Variants in BARD1 observed in about 807,000 individuals in gnomAD.
BARD1 encodes BRCA1 associated RING domain 1, also known as BRCA1-associated RING domain protein 1.
Under a neutral mutation model 77.0 loss-of-function variants are expected in BARD1, and 73 were observed. The observed-to-expected ratio is 0.95, with a 90% CI of 0.79 to 1.15. The LOEUF (loss-of-function observed/expected upper bound fraction) is 1.15. Ranked by LOEUF, BARD1 falls within the 50% of genes most tolerant of loss-of-function variation. The pLI, the probability that BARD1 is intolerant of heterozygous loss-of-function variation, is 0.00. For missense variants in BARD1, 993 were observed against 938.8 expected, an observed-to-expected ratio of 1.06 and a Z score of -0.75; for synonymous variants, 384 against 338.0, an observed-to-expected ratio of 1.14 and a Z score of -1.49.
intron 7 of BARD1, among the ~76,000 whole-genome samples, chr2:214,748,764 G>A (rs765244798): frequency 4.0e-5 from 6 of 151,892 alleles, no homozygotes; most frequent in African/African-American, 7.3e-5. Context: ...GCAGCTCACT[G>A]GAGATCACTG....
chr2:214,771,968 C>T (rs1694518984), intron 4 of BARD1, among the ~76,000 whole-genome samples: 1 of 137,156 alleles, frequency 7.3e-6, no homozygotes. Flanking sequence ...GATTTCTTAA[C>T]AGTGCAAATT....
At chr2:214,776,610 T>C (rs1574808349) in intron 4 of BARD1, among the ~76,000 whole-genome samples, 2 of 152,172 alleles carry the variant, frequency 1.3e-5, no homozygotes, top group South Asian at 4.1e-4. Context: ...GGCTGTTACA[T>C]AGAGAACTGA....
chr2:214,766,712 T>C (rs1238951961), intron 6 of BARD1, among the ~76,000 whole-genome samples: 2 of 152,234 alleles, frequency 1.3e-5, no homozygotes, highest in Admixed American at 6.5e-5. Flanking sequence ...ATACTTTAAA[T>C]CATCTCCAGA....
intron 3 of BARD1, among the ~76,000 whole-genome samples, chr2:214,789,428 G>C (rs190745501): frequency 3.3e-5 from 5 of 151,442 alleles, no homozygotes; most frequent in African/African-American, 4.8e-5. Context: ...GCCTGTAGTC[G>C]TAGCTACTTG....
chr2:214,739,890 C>T (rs1045108007), intron 9 of BARD1, among the ~76,000 whole-genome samples: 3 of 151,914 alleles, frequency 2.0e-5, no homozygotes, highest in South Asian at 2.1e-4. Flanking sequence ...TGCTATTTTA[C>T]TTAATGCATT....
Position 214,725,686 on chromosome 2 carries a change from G to A in BARD1, c.*2990C>T, listed in dbSNP as rs280622. ...TATTTATTCATTCAGTTTGATGTGC[G>A]TATCTTTGAAAAGGGTTGACTTATA... On this transcript the variant is annotated 3_prime_UTR_variant, in exon 11 of 11. Coordinates refer to ENST00000260947, the MANE Select transcript of BARD1 (RefSeq NM_000465.4). The A allele has an allele frequency of 0.99, 217,469 of 219,320 alleles. 107,822 individuals carry two copies. The highest frequency in any genetic ancestry group is 1 in the East Asian group (14,895 of 14,896). 13.6% of individuals were successfully genotyped at this position (219,320 alleles called of 1,614,324 possible). A position where few individuals can be genotyped will look rare whatever the true frequency, so the allele number is the denominator to read the frequency against.
At chr2:214,747,465 A>C (rs1464904867) in intron 7 of BARD1, among the ~76,000 whole-genome samples, 1 of 150,804 alleles carries the variant, frequency 6.6e-6, no homozygotes, top group Non-Finnish European at 1.5e-5. Flanking sequence ...CCAAATGTCC[A>C]ACAACGATAG....
chr2:214,764,737 T>C (rs1457155442), intron 6 of BARD1, among the ~76,000 whole-genome samples: 2 of 152,144 alleles, frequency 1.3e-5, no homozygotes, highest in Non-Finnish European at 2.9e-5. Context: ...GCAGGTGCTC[T>C]GGCTGCAGGA....
At chr2:214,729,029 T>G in intron 10 of BARD1, 21 bp from the exon 11 acceptor site, 1 of 1,610,204 alleles carries the variant, frequency 6.2e-7, no homozygotes, top group Non-Finnish European at 8.5e-7. Context: ...GAGAAAACAT[T>G]TGTTAAAGGC....
At chr2:214,788,486 C>T (rs186548987) in intron 3 of BARD1, among the ~76,000 whole-genome samples, 2 of 152,170 alleles carry the variant, frequency 1.3e-5, no homozygotes, top group East Asian at 1.9e-4. Context: ...GTATACCATA[C>T]ACTATGTCCA....
At chr2:214,798,666 G>C (rs900350453) in intron 1 of BARD1, among the ~76,000 whole-genome samples, 2 of 150,840 alleles carry the variant, frequency 1.3e-5, no homozygotes, top group Non-Finnish European at 2.9e-5. Flanking sequence ...ACCTAATTGT[G>C]CTGACCTCTT....
chr2:214,745,700 TC>T, intron 8 of BARD1, 21 bp downstream of exon 8: 1 of 1,613,826 alleles, frequency 6.2e-7, no homozygotes, highest in East Asian at 2.2e-5. Context: ...CTACCCCACC[TC>T]CCAAAATTCA....
At chr2:214,740,040 T>G (rs1310060298) in intron 9 of BARD1, among the ~76,000 whole-genome samples, 1 of 152,090 alleles carries the variant, frequency 6.6e-6, no homozygotes, top group Admixed American at 6.5e-5. Flanking sequence ...TCTTGTATTA[T>G]GAATAATATC....
intron 6 of BARD1, among the ~76,000 whole-genome samples, chr2:214,754,316 TGA>T (rs1274602941): frequency 6.7e-6 from 1 of 150,316 alleles, no homozygotes; most frequent in Non-Finnish European, 1.5e-5. Context: ...TACTCCAGCC[TGA>T]GCAAGAGATA....
intron 3 of BARD1, among the ~76,000 whole-genome samples, chr2:214,784,470 A>G (rs7601214): frequency 0.092 from 14,048 of 152,140 alleles, 799 homozygotes; most frequent in African/African-American, 0.16. Flanking sequence ...ACAGTGTGGC[A>G]ATTCCTCAAG....
Position 214,805,031 on chromosome 2 carries a change from C to T in BARD1, c.158+4381G>A, listed in dbSNP as rs150596270. Among the ~76,000 whole-genome samples, 688 of 152,188 alleles carry T rather than the reference C, an allele frequency of 4.5e-3. 5 individuals are homozygous for T. Among genetic ancestry groups the T allele is most frequent in the African/African-American group, 0.016 (654 of 41,514 alleles). ...CAAAAATTAGCCGGGTTTGGTGGCG[C>T]TCACCTGTAATCCCAGCTACTCAGG... is the stretch of plus-strand genomic sequence containing the variant. On this transcript the variant is annotated intron_variant, in intron 1 of 10. Transcript: ENST00000260947.
At chr2:214,780,061 G>T (rs1694907988) in intron 4 of BARD1, among the ~76,000 whole-genome samples, 2 of 152,166 alleles carry the variant, frequency 1.3e-5, no homozygotes, top group Non-Finnish European at 2.9e-5. Context: ...GTAAAAAGCA[G>T]CTCCTTTGTG....
intron 6 of BARD1, among the ~76,000 whole-genome samples, chr2:214,763,505 C>T (rs1694054351): frequency 6.6e-6 from 1 of 152,212 alleles, no homozygotes; most frequent in Non-Finnish European, 1.5e-5. Flanking sequence ...AGAACACAGC[C>T]AAAATGTCTA....
chr2:214,766,184 T>C (rs1574784991), intron 6 of BARD1, among the ~76,000 whole-genome samples: 1 of 152,314 alleles, frequency 6.6e-6, no homozygotes, highest in East Asian at 1.9e-4. Flanking sequence ...GTGACACTCT[T>C]GACAATGCCA....
Sources: gnomAD v4.1 joint callset for allele counts (sites outside exome capture counted in the v4.1 genomes callset) on GRCh38, gnomAD v4.1.1 for gene constraint, MANE v1.5 for transcripts, NCBI Gene and HGNC (gene_info 2026-07-23, HGNC 2026-07-21) for gene names.